CHIC1: variants seen among roughly 807,000 people sequenced by gnomAD.
CHIC1 encodes the protein cysteine-rich hydrophobic domain-containing protein 1.
In CHIC1, 7 loss-of-function variants were observed where a neutral mutation model predicts 18.5. The observed-to-expected ratio is 0.38, with a 90% confidence interval of 0.22 to 0.71. The LOEUF (loss-of-function observed/expected upper bound fraction) is 0.71, where lower values mean the gene tolerates loss of function less well. Among genes scored for constraint, CHIC1 ranks in the 30% least tolerant of loss-of-function variants. The pLI, the probability that CHIC1 is intolerant of heterozygous loss-of-function variation, is 0.49. For synonymous variants in CHIC1, 77 were observed against 73.5 expected (o/e 1.05, Z -0.25); for missense variants, 159 against 176.9 (o/e 0.90, Z 0.57).
intron 1 of CHIC1, among the ~76,000 whole-genome samples, chrX:73,568,811 G>C (rs777301328): frequency 9.0e-6 from 1 of 111,280 alleles, no homozygotes; most frequent in East Asian, 2.8e-4. Context: ...TGAAAAAGAT[G>C]GCCAATTTTG....
In CHIC1 at chrX:73,584,282, A is replaced by G. The variant is rs1036456329; in HGVS notation, c.352-135A>G. On this transcript the variant is annotated intron_variant, in intron 2 of 5. Transcript: ENST00000373502. ...TTTCAACGTCATCCTAGAGTGCGTG[A>G]ACATATTTATGGGGAATATATCTAT... 17 of 513,139 alleles carry G rather than the reference A, an allele frequency of 3.3e-5. No individual in the cohort carries two copies. In the African/African-American group the frequency reaches 3.8e-4, roughly 11 times the overall value. The allele number at this position is 513,139 out of a possible 1,213,427, so 42.3% of individuals were successfully genotyped here. A position where few individuals can be genotyped will look rare whatever the true frequency, so the allele number is the denominator to read the frequency against.
chrX:73,648,161 A>T (rs949887619), intron 3 of CHIC1, among the ~76,000 whole-genome samples: 3 of 111,762 alleles, frequency 2.7e-5, no homozygotes, highest in African/African-American at 9.8e-5. Flanking sequence ...CAACAACAAC[A>T]GTATCAACCA....
chrX:73,585,877 A>G (rs1392535795), intron 3 of CHIC1, among the ~76,000 whole-genome samples: 1 of 111,073 alleles, frequency 9.0e-6, no homozygotes, highest in Non-Finnish European at 1.9e-5. Flanking sequence ...TTCAATGGAA[A>G]CTAAGATAAT....
chrX:73,630,909 T>C (rs1399314179), intron 3 of CHIC1, among the ~76,000 whole-genome samples: 1 of 112,090 alleles, frequency 8.9e-6, no homozygotes, highest in Non-Finnish European at 1.9e-5. Flanking sequence ...ACTGATTTTA[T>C]CTCCTTGCTC....
chrX:73,664,297 C>T (rs1437285386), intron 3 of CHIC1, among the ~76,000 whole-genome samples: 2 of 111,445 alleles, frequency 1.8e-5, no homozygotes, highest in African/African-American at 3.3e-5. Flanking sequence ...TTACCTTAGT[C>T]TCTACTATTG....
chrX:73,597,273 C>T (rs2057614378), intron 3 of CHIC1, among the ~76,000 whole-genome samples: 1 of 111,512 alleles, frequency 9.0e-6, no homozygotes, highest in Non-Finnish European at 1.9e-5. Context: ...GCTTGTTGAA[C>T]ATTTGTATGT....
chrX:73,624,818 A>G (rs192332112), intron 3 of CHIC1, among the ~76,000 whole-genome samples: 41 of 112,291 alleles, frequency 3.7e-4, no homozygotes, highest in African/African-American at 1.2e-3. Context: ...ATTCCTCTTT[A>G]TGACAGAATG....
chrX:73,661,231 C>G (rs753264995), intron 3 of CHIC1, among the ~76,000 whole-genome samples: 21 of 112,173 alleles, frequency 1.9e-4, no homozygotes, highest in Admixed American at 4.7e-4. Context: ...CAGGTGGACT[C>G]TCCAGGAAAG....
At position 73,685,686 on chromosome X, in the gene CHIC1, GAAGTTGACTGA is replaced by G. The variant is rs770339005; in HGVS notation, c.*4685_*4695del. 9.0e-6 allele frequency: 1 copy of G among 111,502 alleles called. No homozygotes were observed. Among genetic ancestry groups the G allele is most frequent in the Non-Finnish European group, 1.9e-5 (1 of 52,944 alleles). The allele number at this position is 111,502 out of a possible 1,213,427, so 9.2% of individuals were successfully genotyped here. A position where few individuals can be genotyped will look rare whatever the true frequency, so the allele number is the denominator to read the frequency against. ...ATATTTTCATATATTAGTGTGCTTTGAAGTTGACTGAAAGATATACTGGATATCATAATTAT... is the reference window on the plus strand; with the variant it reads ...ATATTTTCATATATTAGTGTGCTTTGAAGATATACTGGATATCATAATTAT... On this transcript the variant is annotated 3_prime_UTR_variant, in exon 6 of 6. Transcript: ENST00000373502.
chrX:73,670,220 C>T (rs1405866677), intron 3 of CHIC1, among the ~76,000 whole-genome samples: 1 of 111,508 alleles, frequency 9.0e-6, no homozygotes, highest in Non-Finnish European at 1.9e-5. Context: ...TGCTTTTGTT[C>T]TCTGTGTGTC....
At chrX:73,627,535 C>T (rs759236076) in intron 3 of CHIC1, among the ~76,000 whole-genome samples, 5 of 112,344 alleles carry the variant, frequency 4.5e-5, no homozygotes, top group Admixed American at 9.4e-5. Flanking sequence ...CAGTCCTTCC[C>T]ACTCTTCTTC....
intron 3 of CHIC1, among the ~76,000 whole-genome samples, chrX:73,631,478 A>G (rs995608260): frequency 1.8e-5 from 2 of 110,087 alleles, no homozygotes; most frequent in South Asian, 4.0e-4. Context: ...AATACAAAAA[A>G]AAAAATTAGC....
chrX:73,653,579 T>C (rs758798984), intron 3 of CHIC1, among the ~76,000 whole-genome samples: 1 of 112,202 alleles, frequency 8.9e-6, no homozygotes, highest in South Asian at 3.7e-4. Flanking sequence ...ATAATTATTT[T>C]CTCTTTCTAT....
At chrX:73,580,995 G>C (rs1435165908) in intron 2 of CHIC1, among the ~76,000 whole-genome samples, 1 of 111,232 alleles carries the variant, frequency 9.0e-6, no homozygotes, top group Non-Finnish European at 1.9e-5. Flanking sequence ...ATATCGAACA[G>C]ATGTATATAC....
In CHIC1 at chrX:73,677,820, T is replaced by C. The variant is rs764615351; in HGVS notation, c.508-1506T>C. On this transcript the variant is annotated intron_variant, in intron 3 of 5. Coordinates refer to ENST00000373502, the MANE Select transcript of CHIC1 (RefSeq NM_001039840.4). ...TTGGAAATGCAGAAATCACCCGTCTTCTGCGTCGCTCACACTGGGAGCTGT... is the reference window on the plus strand; with the variant it reads ...TTGGAAATGCAGAAATCACCCGTCTCCTGCGTCGCTCACACTGGGAGCTGT... Among the ~76,000 whole-genome samples the C allele has an allele frequency of 9.8e-5, 11 of 112,313 alleles. No homozygotes were observed. The South Asian group carries it at 4.1e-3, about 42-fold the overall frequency.
At chrX:73,658,157 C>T (rs1235702259) in intron 3 of CHIC1, among the ~76,000 whole-genome samples, 2 of 105,431 alleles carry the variant, frequency 1.9e-5, no homozygotes, top group Non-Finnish European at 3.8e-5. Flanking sequence ...AGGAGTCTCT[C>T]CTTTTCAATT....
intron 3 of CHIC1, among the ~76,000 whole-genome samples, chrX:73,661,928 G>A (rs1409750306): frequency 9.0e-6 from 1 of 110,552 alleles, no homozygotes; most frequent in Non-Finnish European, 1.9e-5. Context: ...CAAAACCACA[G>A]AAGTATGCTA....
chrX:73,638,394 A>G (rs2057840183), intron 3 of CHIC1, among the ~76,000 whole-genome samples: 1 of 111,479 alleles, frequency 9.0e-6, no homozygotes, highest in Non-Finnish European at 1.9e-5. Flanking sequence ...CTCTGTTTCA[A>G]GAGAGAGAAT....
At chrX:73,588,333 C>T (rs1208746999) in intron 3 of CHIC1, among the ~76,000 whole-genome samples, 1 of 110,902 alleles carries the variant, frequency 9.0e-6, no homozygotes, top group Admixed American at 9.6e-5. Flanking sequence ...CTTATGTTTG[C>T]ATTTTTGAAC....
Sources: gnomAD v4.1 joint callset for allele counts (sites outside exome capture counted in the v4.1 genomes callset) on GRCh38, gnomAD v4.1.1 for gene constraint, MANE v1.5 for transcripts, NCBI Gene and HGNC (gene_info 2026-07-23, HGNC 2026-07-21) for gene names.